Variants in ZNF609 observed in about 807,000 individuals in gnomAD.
ZNF609 encodes the protein zinc finger protein 609.
In ZNF609, 11 loss-of-function variants were observed where a neutral mutation model predicts 109.5. The observed-to-expected ratio is 0.10, with a 90% confidence interval of 0.06 to 0.17. ZNF609 has a LOEUF of 0.17. ZNF609 is among the 10% of genes least tolerant of loss of function. The pLI is 1.00. For synonymous variants in ZNF609, 646 were observed against 662.0 expected, an observed-to-expected ratio of 0.98 and a Z score of 0.37; for missense variants, 1,559 against 1,772.4, an observed-to-expected ratio of 0.88 and a Z score of 2.16.
At chr15:64,659,853 G>A (rs1374058934) in intron 3 of ZNF609, among the ~76,000 whole-genome samples, 1 of 64,552 alleles carries the variant, frequency 1.5e-5, no homozygotes, top group African/African-American at 5.8e-5. Flanking sequence ...TTTTTTTTTT[G>A]ATACTGAGTC....
Position 64,681,779 on chromosome 15 carries a change from A to C in ZNF609, c.*93A>C. ...GAAGGTGCCGTTTAGACATCAGTTA[A>C]ATGGTGTTGATCATCCTGTTTGCCG... On this transcript the variant is annotated 3_prime_UTR_variant, in exon 10 of 10. Coordinates refer to ENST00000326648, the MANE Select transcript of ZNF609 (RefSeq NM_015042.2). 1 of 170,446 alleles carries C rather than the reference A, an allele frequency of 5.9e-6. No homozygotes were observed. The highest frequency in any genetic ancestry group is 1.3e-5 in the Non-Finnish European group (1 of 79,134). 10.6% of individuals were successfully genotyped at this position (170,446 alleles called of 1,614,324 possible).
At chr15:64,598,785 T>TCC (rs1269794429) in intron 2 of ZNF609, among the ~76,000 whole-genome samples, 2 of 129,194 alleles carry the variant, frequency 1.5e-5, no homozygotes. Flanking sequence ...TATATATATA[T>TCC]ATCCTGTTAT....
At chr15:64,623,813 T>G (rs1895913119) in intron 3 of ZNF609, among the ~76,000 whole-genome samples, 1 of 152,242 alleles carries the variant, frequency 6.6e-6, no homozygotes, top group African/African-American at 2.4e-5. Context: ...GGTGGCAATT[T>G]GATTTTTGCA....
chr15:64,680,907 T>C (rs1896876240), intron 8 of ZNF609, 45 bp downstream of exon 8: 1 of 1,595,094 alleles, frequency 6.3e-7, no homozygotes, highest in African/African-American at 1.3e-5. Flanking sequence ...CTTGTTTTGT[T>C]TTGTTTATCT....
intron 3 of ZNF609, among the ~76,000 whole-genome samples, chr15:64,626,406 A>G (rs1481677176): frequency 1.3e-5 from 2 of 152,198 alleles, no homozygotes; most frequent in African/African-American, 4.8e-5. Flanking sequence ...CAAGTTAATC[A>G]TAAGAACTAC....
Position 64,678,121 on chromosome 15 carries a change from A to T in ZNF609, c.3408A>T (p.Ala1136=). The change falls in exon 6 of 10, where the codon GCA becomes GCT. Residue 1136 remains alanine (A), a synonymous_variant. Transcript: ENST00000326648. ...MDPILWYRQE[A]EPRMWTYVYP... is the part of the protein sequence containing the mutation. ...TTGTTCTGTGATTGTTGTAGGAGGC[A>T]GAGCCCCGGATGTGGACATATGTTT... The T allele has an allele frequency of 6.2e-7, 1 of 1,612,316 alleles. No individual in the cohort carries two copies. The highest frequency in any genetic ancestry group is 8.5e-7 in the Non-Finnish European group (1 of 1,179,078).
intron 2 of ZNF609, among the ~76,000 whole-genome samples, chr15:64,598,742 G>GTGTATATATATA (rs1477685716): frequency 6.6e-5 from 4 of 60,288 alleles, no homozygotes; most frequent in Admixed American, 2.2e-4. Flanking sequence ...CTTTGTGTGT[G>GTGTATATATATA]TATATATATA....
intron 3 of ZNF609, among the ~76,000 whole-genome samples, chr15:64,669,605 G>T (rs1256697506): frequency 6.6e-6 from 1 of 152,186 alleles, no homozygotes; most frequent in Non-Finnish European, 1.5e-5. Context: ...TGGTTGAGGT[G>T]TGGGGACTAC....
rs143763358 is a variant in ZNF609 at position 64,545,542 on chromosome 15, TA to T, written c.747+45381del. Among the ~76,000 whole-genome samples the T allele has an allele frequency of 9.7e-4, 147 of 152,292 alleles. No homozygotes were observed. The East Asian group carries it at 0.022, about 22-fold the overall frequency. On this transcript the variant is annotated intron_variant, in intron 2 of 9. Coordinates refer to ENST00000326648, the MANE Select transcript of ZNF609 (RefSeq NM_015042.2). The stretch of plus-strand genomic sequence containing the variant: ...TTCATCAAAGCATATATCTGTATAA[TA>T]AAAATCACTGATTATGAGTGTACAG...
At position 64,589,978 on chromosome 15, in the gene ZNF609, CTTG is replaced by C. The variant is rs780843078; in HGVS notation, c.748-32844_748-32842del. ...ATTAGATGTGGTATGGTTGATCATA[CTTG>C]TTGTGATTAAAGCTAAAACATTATT... On this transcript the variant is annotated intron_variant, in intron 2 of 9. Transcript: ENST00000326648. 1.1e-4 allele frequency among the ~76,000 whole-genome samples: 16 copies of C among 152,102 alleles called. No individual in the cohort carries two copies. In the East Asian group the frequency reaches 1.7e-3, roughly 16 times the overall value.
chr15:64,518,798 T>G (rs1459919961), intron 2 of ZNF609, among the ~76,000 whole-genome samples: 1 of 151,838 alleles, frequency 6.6e-6, no homozygotes, highest in Non-Finnish European at 1.5e-5. Context: ...ATGTCCAGAT[T>G]TTGGGCATGA....
chr15:64,561,757 T>C (rs965072476), intron 2 of ZNF609, among the ~76,000 whole-genome samples: 8 of 152,130 alleles, frequency 5.3e-5, no homozygotes, highest in Non-Finnish European at 1.0e-4. Context: ...AAGAAACTTG[T>C]GCATACCAAG....
intron 2 of ZNF609, among the ~76,000 whole-genome samples, chr15:64,619,794 T>C (rs1448269915): frequency 1.3e-5 from 2 of 152,202 alleles, no homozygotes; most frequent in East Asian, 1.9e-4. Context: ...TCTTCACTTA[T>C]TGTATAGCAG....
At chr15:64,564,951 C>T (rs926971370) in intron 2 of ZNF609, among the ~76,000 whole-genome samples, 5 of 151,692 alleles carry the variant, frequency 3.3e-5, no homozygotes, top group African/African-American at 1.2e-4. Context: ...AGGTTCACGC[C>T]ATTCTCCTGT....
intron 2 of ZNF609, among the ~76,000 whole-genome samples, chr15:64,559,136 AT>A (rs1246772344): frequency 6.6e-6 from 1 of 152,232 alleles, no homozygotes; most frequent in Non-Finnish European, 1.5e-5. Context: ...CTTGTGAACT[AT>A]TTTAATGTGT....
At chr15:64,555,402 C>T (rs548194715) in intron 2 of ZNF609, among the ~76,000 whole-genome samples, 5 of 152,140 alleles carry the variant, frequency 3.3e-5, no homozygotes, top group South Asian at 4.1e-4. Context: ...CAGTGGCGCA[C>T]GCCTGTAATC....
intron 2 of ZNF609, among the ~76,000 whole-genome samples, chr15:64,606,631 A>C (rs190509342): frequency 3.9e-5 from 6 of 152,014 alleles, no homozygotes; most frequent in Admixed American, 2.6e-4. Context: ...GGCTAGCCTC[A>C]AATTCCTGAG....
chr15:64,641,828 T>C (rs1166182205), intron 3 of ZNF609, among the ~76,000 whole-genome samples: 1 of 152,220 alleles, frequency 6.6e-6, no homozygotes, highest in African/African-American at 2.4e-5. Context: ...TATTGGATCA[T>C]CTGAGATATT....
In ZNF609 at chr15:64,547,206, A is replaced by G. The variant is rs117361042; in HGVS notation, c.747+47040A>G. ...TGTGTATGACCTTATATCAATGTCA[A>G]TTAGCCCTTATTTCTAGCAGTTGTT... is the stretch of plus-strand genomic sequence containing the variant. On this transcript the variant is annotated intron_variant, in intron 2 of 9. Transcript: ENST00000326648. 6.5e-3 allele frequency among the ~76,000 whole-genome samples: 993 copies of G among 152,314 alleles called. 4 individuals are homozygous for G. Among genetic ancestry groups the G allele is most frequent in the Non-Finnish European group, 0.012 (787 of 68,026 alleles).
Sources: gnomAD v4.1 joint callset for allele counts (sites outside exome capture counted in the v4.1 genomes callset) on GRCh38, gnomAD v4.1.1 for gene constraint, MANE v1.5 for transcripts, NCBI Gene and HGNC (gene_info 2026-07-23, HGNC 2026-07-21) for gene names.